CLASP2: variants seen among roughly 807,000 people sequenced by gnomAD.
The protein encoded by CLASP2 is CLIP-associating protein 2.
In CLASP2, 47 loss-of-function variants were observed where a neutral mutation model predicts 194.4. The observed-to-expected ratio is 0.24, with a 90% confidence interval of 0.19 to 0.31. The LOEUF is 0.31. Ranked by LOEUF, CLASP2 falls within the 10% of genes least tolerant of loss-of-function variation. CLASP2 has a pLI of 1.00. For missense variants in CLASP2, 1,445 were observed against 1,823.6 expected (o/e 0.79, Z 3.78); for synonymous variants, 619 against 633.5 (o/e 0.98, Z 0.34).
At chr3:33,597,699 T>A (rs1416142465) in intron 18 of CLASP2, among the ~76,000 whole-genome samples, 4 of 151,888 alleles carry the variant, frequency 2.6e-5, no homozygotes, top group African/African-American at 9.7e-5. Context: ...TAAGCTAGCT[T>A]CCTTGGGCAG....
intron 7 of CLASP2, among the ~76,000 whole-genome samples, chr3:33,653,015 G>T (rs915233507): frequency 1.3e-5 from 2 of 152,142 alleles, no homozygotes; most frequent in African/African-American, 4.8e-5. Flanking sequence ...TTCTATTTTT[G>T]ACTTCTTTCC....
chr3:33,576,236 G>C lies in CLASP2; in HGVS notation c.2387C>G (p.Ser796Cys). 6.2e-7 allele frequency: 1 copy of C among 1,613,804 alleles called. No homozygotes were observed. Among genetic ancestry groups the C allele is most frequent in the South Asian group, 1.1e-5 (1 of 91,066 alleles). Residue 796 changes from serine to cysteine, a missense_variant, in exon 24 of 39, where the codon TCT becomes TGT. By Grantham distance (112) the Ser-to-Cys change is moderately radical. Around this residue, in one of 4 missense-constraint regions of CLASP2, gnomAD observed 732 missense variants for 987.9 expected, o/e 0.74. Coordinates refer to ENST00000682230, the MANE Select transcript of CLASP2 (RefSeq NM_001365631.1). ...YGISQSSRLS[S>C]SVSAMRVLNT... ...CAGGACTCGCATGGCACTAACAGAAGACGACAGTCGACTTGATTGGCTGAT... is the reference window on the plus strand; with the variant it reads ...CAGGACTCGCATGGCACTAACAGAACACGACAGTCGACTTGATTGGCTGAT...
intron 37 of CLASP2, among the ~76,000 whole-genome samples, chr3:33,508,091 C>T (rs1194253134): frequency 6.6e-6 from 1 of 151,768 alleles, no homozygotes; most frequent in Non-Finnish European, 1.5e-5. Flanking sequence ...AATTCCCAGG[C>T]TCAGGTGATT....
intron 34 of CLASP2, among the ~76,000 whole-genome samples, chr3:33,531,446 C>T (rs1342705153): frequency 2.0e-5 from 3 of 152,146 alleles, no homozygotes; most frequent in Non-Finnish European, 4.4e-5. Flanking sequence ...GGAAAAGATG[C>T]TCAGCATTAC....
At chr3:33,633,402 C>T (rs1003047310) in intron 8 of CLASP2, among the ~76,000 whole-genome samples, 9 of 152,152 alleles carry the variant, frequency 5.9e-5, no homozygotes, top group African/African-American at 1.4e-4. Flanking sequence ...TTCTGACTGA[C>T]GACTCCCCAG....
chr3:33,641,613 T>A (rs769532389), intron 8 of CLASP2, among the ~76,000 whole-genome samples: 1 of 152,030 alleles, frequency 6.6e-6, no homozygotes, highest in African/African-American at 2.4e-5. Flanking sequence ...ACAAGACTTA[T>A]GAGCTTTAAT....
chr3:33,570,690 C>A, intron 26 of CLASP2, 37 bp downstream of exon 26: 1 of 1,577,272 alleles, frequency 6.3e-7, no homozygotes, highest in Non-Finnish European at 8.6e-7. Context: ...CAAATGATAC[C>A]CTATAGAAAT....
chr3:33,593,855 A>C (rs928394685), intron 20 of CLASP2, among the ~76,000 whole-genome samples: 8 of 152,082 alleles, frequency 5.3e-5, no homozygotes, highest in African/African-American at 1.9e-4. Context: ...ATTTTTATTT[A>C]TTTCTTGACA....
intron 8 of CLASP2, among the ~76,000 whole-genome samples, chr3:33,643,714 A>C (rs545852493): frequency 6.6e-6 from 1 of 152,084 alleles, no homozygotes; most frequent in Non-Finnish European, 1.5e-5. Context: ...TACTTATGAT[A>C]GTTTTTCTAT....
At chr3:33,530,837 A>C (rs1470207433) in intron 34 of CLASP2, among the ~76,000 whole-genome samples, 1 of 152,220 alleles carries the variant, frequency 6.6e-6, no homozygotes, top group Middle Eastern at 3.2e-3. Context: ...AAGAAAATAC[A>C]CATAAATAGA....
intron 28 of CLASP2, 112 bp from the exon 29 acceptor site, chr3:33,559,497 G>T (rs77547890): frequency 0.017 from 11,098 of 661,786 alleles, 132 homozygotes; most frequent in East Asian, 0.05. Context: ...AAACATCCAT[G>T]AAGTAGTATC....
intron 34 of CLASP2, among the ~76,000 whole-genome samples, chr3:33,524,691 A>G (rs1258532726): frequency 1.3e-5 from 2 of 152,188 alleles, no homozygotes; most frequent in Non-Finnish European, 2.9e-5. Flanking sequence ...CAGACAAAAT[A>G]GACCTTAAGT....
At position 33,604,237 on chromosome 3, in the gene CLASP2, A is replaced by G; in HGVS notation, c.1695-28T>C. The stretch of plus-strand genomic sequence containing the variant: ...GCAAAGTATAAAAAATGCTTTTAGT[A>G]AGAAGACAATTTAACACTCCTCTGA... On this transcript the variant is annotated intron_variant, in intron 16 of 38. Coordinates refer to ENST00000682230, the MANE Select transcript of CLASP2 (RefSeq NM_001365631.1). 2.7e-6 allele frequency: 4 copies of G among 1,495,814 alleles called. No homozygotes were observed. In the South Asian group the frequency reaches 4.9e-5, roughly 18 times the overall value. 92.7% of individuals were successfully genotyped at this position (1,495,814 alleles called of 1,614,324 possible). A position where few individuals can be genotyped will look rare whatever the true frequency, so the allele number is the denominator to read the frequency against.
intron 13 of CLASP2, among the ~76,000 whole-genome samples, chr3:33,611,589 T>C (rs907204760): frequency 2.6e-5 from 4 of 152,200 alleles, no homozygotes; most frequent in African/African-American, 9.7e-5. Flanking sequence ...CTAATGTGTA[T>C]CTCATTTAAT....
At chr3:33,675,052 A>G (rs1389886380) in intron 6 of CLASP2, among the ~76,000 whole-genome samples, 1 of 152,190 alleles carries the variant, frequency 6.6e-6, no homozygotes, top group East Asian at 1.9e-4. Flanking sequence ...ATTCCAATCA[A>G]TAGAAAAAGA....
intron 7 of CLASP2, among the ~76,000 whole-genome samples, chr3:33,654,054 A>G (rs1262230942): frequency 6.6e-6 from 1 of 151,988 alleles, no homozygotes; most frequent in South Asian, 2.1e-4. Context: ...AAAAGAACGA[A>G]CAGCTACTGA....
chr3:33,623,264 A>C (rs2077411823), intron 10 of CLASP2, among the ~76,000 whole-genome samples: 1 of 152,232 alleles, frequency 6.6e-6, no homozygotes, highest in South Asian at 2.1e-4. Context: ...TCTTTCCGTT[A>C]GGAACATTCC....
chr3:33,576,321 AT>A, intron 23 of CLASP2, 46 bp from the exon 24 acceptor site: 1 of 1,478,580 alleles, frequency 6.8e-7, no homozygotes, highest in South Asian at 1.1e-5. Flanking sequence ...AGTCATAAAT[AT>A]AACAGTGTCA....
chr3:33,542,715 CT>C (rs1482737953), intron 32 of CLASP2, among the ~76,000 whole-genome samples: 1 of 151,014 alleles, frequency 6.6e-6, no homozygotes, highest in Non-Finnish European at 1.5e-5. Context: ...TAACACTCCC[CT>C]ATTTGTTATT....
Sources: allele counts gnomAD v4.1 joint callset (sites outside exome capture counted in the v4.1 genomes callset), GRCh38; gene constraint gnomAD v4.1.1; regional missense constraint gnomAD v4.1.1; transcripts MANE v1.5; gene names NCBI Gene and HGNC (gene_info 2026-07-23, HGNC 2026-07-21).